Variants in PDE4D observed in about 807,000 individuals in gnomAD.
The protein encoded by PDE4D is 3',5'-cyclic-AMP phosphodiesterase 4D.
Under a neutral mutation model 87.4 loss-of-function variants are expected in PDE4D, and 24 were observed. The ratio of observed to expected loss-of-function variants is 0.27; its 90% CI spans 0.20 to 0.39. The LOEUF (loss-of-function observed/expected upper bound fraction) is 0.39. Among genes scored for constraint, PDE4D ranks in the 10% least tolerant of loss-of-function variants. The pLI is 1.00. For missense variants in PDE4D, 714 were observed against 1,041.0 expected, an observed-to-expected ratio of 0.69 and a Z score of 4.32; for synonymous variants, 384 against 383.2, an observed-to-expected ratio of 1.00 and a Z score of -0.02.
chr5:60,467,356 T>C (rs1747442800), intron 1 of PDE4D, among the ~76,000 whole-genome samples: 1 of 152,198 alleles, frequency 6.6e-6, no homozygotes, highest in African/African-American at 2.4e-5. Context: ...TTAAATATTT[T>C]AAAGTTAAAA....
chr5:59,480,393 CA>C (rs1366975189), intron 1 of PDE4D, among the ~76,000 whole-genome samples: 1 of 152,018 alleles, frequency 6.6e-6, no homozygotes, highest in African/African-American at 2.4e-5. Context: ...ATAATGTTCC[CA>C]CGTACTCTCT....
chr5:60,154,572 C>T (rs1781799447), intron 2 of PDE4D, among the ~76,000 whole-genome samples: 1 of 152,154 alleles, frequency 6.6e-6, no homozygotes, highest in Admixed American at 6.5e-5. Context: ...CTGCACCCGG[C>T]CCTATTAACT....
chr5:59,582,241 T>G (rs12521279), intron 1 of PDE4D, among the ~76,000 whole-genome samples: 11,830 of 152,250 alleles, frequency 0.078, 609 homozygotes, highest in Admixed American at 0.14. Flanking sequence ...ACATGAGACT[T>G]GATACGTCAT....
chr5:60,434,162 T>C (rs1744581077), intron 1 of PDE4D, among the ~76,000 whole-genome samples: 1 of 152,206 alleles, frequency 6.6e-6, no homozygotes, highest in Non-Finnish European at 1.5e-5. Context: ...TGAATTCAGC[T>C]TTTTAAAAAA....
chr5:59,852,394 C>G (rs539929130), intron 1 of PDE4D, among the ~76,000 whole-genome samples: 1 of 152,066 alleles, frequency 6.6e-6, no homozygotes, highest in African/African-American at 2.4e-5. Context: ...CTATGGATCA[C>G]GCACACTTTG....
At chr5:60,077,020 A>G (rs1773371737) in intron 2 of PDE4D, among the ~76,000 whole-genome samples, 1 of 152,160 alleles carries the variant, frequency 6.6e-6, no homozygotes, top group Admixed American at 6.5e-5. Context: ...TGATGGACAC[A>G]AGACTGTGGA....
chr5:60,518,821 T>C (rs1263814395), intron 1 of PDE4D, among the ~76,000 whole-genome samples: 1 of 152,200 alleles, frequency 6.6e-6, no homozygotes, highest in Non-Finnish European at 1.5e-5. Flanking sequence ...GATGACTAAA[T>C]TTCACCCTGC....
At chr5:59,156,331 A>ATATATATGTGTGTGTGTGTG (rs1384479557) in intron 5 of PDE4D, among the ~76,000 whole-genome samples, 10 of 122,762 alleles carry the variant, frequency 8.1e-5, no homozygotes, top group African/African-American at 3.4e-4. Context: ...ATATATATAT[A>ATATATATGTGTGTGTGTGTG]TGTGTGTGTG....
At chr5:59,519,228 G>GA (rs1811745833) in intron 1 of PDE4D, among the ~76,000 whole-genome samples, 1 of 152,092 alleles carries the variant, frequency 6.6e-6, no homozygotes, top group Admixed American at 6.6e-5. Context: ...TGAAAAAACA[G>GA]AAAAAAGCCC....
chr5:60,090,869 C>T (rs1426630406), intron 2 of PDE4D, among the ~76,000 whole-genome samples: 1 of 152,088 alleles, frequency 6.6e-6, no homozygotes, highest in Non-Finnish European at 1.5e-5. Context: ...AGTAACATTT[C>T]TATATACCAA....
intron 1 of PDE4D, among the ~76,000 whole-genome samples, chr5:59,408,483 T>C (rs1792089787): frequency 6.6e-6 from 1 of 152,182 alleles, no homozygotes; most frequent in Non-Finnish European, 1.5e-5. Context: ...CAGAAGGGAA[T>C]ATGGGATTGA....
chr5:59,742,785 T>G (rs1409420930), intron 1 of PDE4D, among the ~76,000 whole-genome samples: 1 of 152,236 alleles, frequency 6.6e-6, no homozygotes, highest in African/African-American at 2.4e-5. Flanking sequence ...TATAGAAGTA[T>G]TCTTTCACAT....
At chr5:59,412,550 T>C (rs1792875014) in intron 1 of PDE4D, among the ~76,000 whole-genome samples, 1 of 152,074 alleles carries the variant, frequency 6.6e-6, no homozygotes. Flanking sequence ...TGTTCTTACT[T>C]GGCAAGCACA....
At chr5:59,321,946 CTTTA>C (rs1366194217) in intron 1 of PDE4D, among the ~76,000 whole-genome samples, 2 of 152,084 alleles carry the variant, frequency 1.3e-5, no homozygotes, top group African/African-American at 4.8e-5. Context: ...TTGAATACAA[CTTTA>C]TTTATGTATC....
chr5:59,514,020 G>A (rs1032475444), intron 1 of PDE4D, among the ~76,000 whole-genome samples: 5 of 152,006 alleles, frequency 3.3e-5, no homozygotes, highest in Non-Finnish European at 7.4e-5. Context: ...TCAGTGAAAG[G>A]TATACACTTT....
At chr5:59,363,966 A>C (rs1018890818) in intron 1 of PDE4D, among the ~76,000 whole-genome samples, 7 of 152,204 alleles carry the variant, frequency 4.6e-5, no homozygotes, top group Non-Finnish European at 7.3e-5. Context: ...TTTCCCTCTG[A>C]ATATTCTACA....
At chr5:59,714,749 A>C (rs1341005644) in intron 1 of PDE4D, among the ~76,000 whole-genome samples, 1 of 152,202 alleles carries the variant, frequency 6.6e-6, no homozygotes, top group Non-Finnish European at 1.5e-5. Flanking sequence ...TAGCCCCATC[A>C]TATGTCATGG....
At chr5:59,814,988 C>G (rs1415952451) in intron 1 of PDE4D, among the ~76,000 whole-genome samples, 1 of 152,080 alleles carries the variant, frequency 6.6e-6, no homozygotes, top group Admixed American at 6.6e-5. Context: ...CACGTTTTTG[C>G]ACAGAGTCTG....
chr5:59,294,997 A>G (rs1301342485), intron 1 of PDE4D, among the ~76,000 whole-genome samples: 1 of 152,208 alleles, frequency 6.6e-6, no homozygotes, highest in Non-Finnish European at 1.5e-5. Flanking sequence ...GCTAATAGAA[A>G]TCCATGGAGT....
Sources: gnomAD v4.1 joint callset for allele counts (sites outside exome capture counted in the v4.1 genomes callset) on GRCh38, gnomAD v4.1.1 for gene constraint, MANE v1.5 for transcripts, NCBI Gene and HGNC (gene_info 2026-07-23, HGNC 2026-07-21) for gene names.